KCNMA1: variants seen among roughly 807,000 people sequenced by gnomAD.
KCNMA1 encodes potassium calcium-activated channel subfamily M alpha 1, also known as Calcium-activated potassium channel subunit alpha-1.
KCNMA1 carries 29 observed loss-of-function variants against 140.0 expected under a neutral mutation model. The observed-to-expected ratio is 0.21, with a 90% CI of 0.15 to 0.28. KCNMA1 has a LOEUF of 0.28. Ranked by LOEUF, KCNMA1 falls within the 10% of genes least tolerant of loss-of-function variation. The probability of loss-of-function intolerance (pLI) is 1.00; values close to 1 mark genes in which losing one functional copy is unlikely to be tolerated. For synonymous variants in KCNMA1, 612 were observed against 611.9 expected (o/e 1.00, Z 0.00); for missense variants, 880 against 1,602.2 (o/e 0.55, Z 7.70).
At chr10:77,506,620 TTAGAGA>T (rs2046054229) in intron 1 of KCNMA1, among the ~76,000 whole-genome samples, 1 of 104,188 alleles carries the variant, frequency 9.6e-6, no homozygotes, top group Admixed American at 9.5e-5. Flanking sequence ...TGTGTGTGTG[TTAGAGA>T]GGGAGAGAGA....
At chr10:77,334,046 C>T (rs932567800) in intron 2 of KCNMA1, among the ~76,000 whole-genome samples, 2 of 152,166 alleles carry the variant, frequency 1.3e-5, no homozygotes, top group South Asian at 2.1e-4. Flanking sequence ...TCTTCACATG[C>T]CCCCTGCCTG....
chr10:76,916,046 A>G (rs1340718772), intron 23 of KCNMA1, among the ~76,000 whole-genome samples: 4 of 143,010 alleles, frequency 2.8e-5, no homozygotes, highest in Admixed American at 2.7e-4. Context: ...ACACACACAC[A>G]TACACAAATG....
Position 77,144,690 on chromosome 10 carries a change from A to G in KCNMA1, c.809-23642T>C, listed in dbSNP as rs556953064. Among the ~76,000 whole-genome samples, 3 of 152,350 alleles carry G rather than the reference A, an allele frequency of 2.0e-5. No homozygotes were observed. The South Asian group carries it at 6.2e-4, about 32-fold the overall frequency. On this transcript the variant is annotated intron_variant, in intron 5 of 27. Coordinates refer to ENST00000286628, the MANE Select transcript of KCNMA1 (RefSeq NM_001161352.2). The stretch of plus-strand genomic sequence containing the variant: ...TGCTTGTACCAATTTAGGGAACACT[A>G]AAGTTTCACCTGATGCCTAAACAGA...
chr10:77,337,371 G>A lies in KCNMA1; in HGVS notation c.540+66491C>T, dbSNP rs560559070. ...GCCTGTAATCCCAGCACTTTGAGAG[G>A]CCCAATGCCAAGGCTAAGGCAGGCG... On this transcript the variant is annotated intron_variant, in intron 2 of 27. Coordinates refer to ENST00000286628, the MANE Select transcript of KCNMA1 (RefSeq NM_001161352.2). 4.6e-5 allele frequency among the ~76,000 whole-genome samples: 7 copies of A among 152,332 alleles called. No individual in the cohort carries two copies. In the South Asian group the frequency reaches 1.2e-3, roughly 27 times the overall value.
chr10:77,235,947 G>GTTT (rs1310859006), intron 3 of KCNMA1, among the ~76,000 whole-genome samples: 2 of 152,138 alleles, frequency 1.3e-5, no homozygotes, highest in Non-Finnish European at 2.9e-5. Context: ...AGGGGTCTTG[G>GTTT]GCTGGCCAGA....
intron 23 of KCNMA1, among the ~76,000 whole-genome samples, chr10:76,944,217 C>T (rs894179470): frequency 4.6e-5 from 7 of 152,166 alleles, no homozygotes; most frequent in Admixed American, 6.5e-5. Flanking sequence ...GGAAGGCAGA[C>T]GTGTGTCACT....
At chr10:77,430,096 G>T (rs1437983360) in intron 1 of KCNMA1, among the ~76,000 whole-genome samples, 4 of 152,206 alleles carry the variant, frequency 2.6e-5, no homozygotes, top group African/African-American at 9.7e-5. Flanking sequence ...CCAAAAGAAA[G>T]AGTGAACTTT....
intron 5 of KCNMA1, among the ~76,000 whole-genome samples, chr10:77,167,431 A>C (rs1432068988): frequency 6.6e-6 from 1 of 152,112 alleles, no homozygotes. Flanking sequence ...TTGTGTTTGC[A>C]ATCTGGGGTT....
In KCNMA1 at chr10:77,344,030, C is replaced by T. The variant is rs186836170; in HGVS notation, c.540+59832G>A. Among the ~76,000 whole-genome samples, 179 of 152,314 alleles carry T rather than the reference C, an allele frequency of 1.2e-3. 1 individual carries two copies. Among genetic ancestry groups the T allele is most frequent in the African/African-American group, 4.2e-3 (173 of 41,572 alleles). On this transcript the variant is annotated intron_variant, in intron 2 of 27. Coordinates refer to ENST00000286628, the MANE Select transcript of KCNMA1 (RefSeq NM_001161352.2). ...CCTGGAAGCCACAGTCTCTTCAGTG[C>T]CATCAGGGAAGACAGCAACTGCACC...
At chr10:77,143,826 T>C (rs2098233306) in intron 5 of KCNMA1, among the ~76,000 whole-genome samples, 1 of 152,140 alleles carries the variant, frequency 6.6e-6, no homozygotes, top group South Asian at 2.1e-4. Flanking sequence ...TTGCAGTACA[T>C]TTATATGACA....
At chr10:77,144,283 C>G (rs77943091) in intron 5 of KCNMA1, among the ~76,000 whole-genome samples, 1 of 152,098 alleles carries the variant, frequency 6.6e-6, no homozygotes, top group Non-Finnish European at 1.5e-5. Context: ...ATACAAATAT[C>G]AAAAACCTTA....
At chr10:76,994,365 C>T (rs1442656963) in intron 19 of KCNMA1, among the ~76,000 whole-genome samples, 1 of 152,234 alleles carries the variant, frequency 6.6e-6, no homozygotes, top group Middle Eastern at 3.4e-3. Flanking sequence ...TTAACAACAG[C>T]AACAACACAT....
At chr10:76,873,943 G>C (rs918570153), downstream of KCNMA1, 1 of 152,118 alleles carries the variant, frequency 6.6e-6, no homozygotes, top group African/African-American at 2.4e-5. Flanking sequence ...GATTCACATG[G>C]GGAAACATAA....
At chr10:77,102,214 T>C (rs1035328743) in intron 9 of KCNMA1, among the ~76,000 whole-genome samples, 2 of 152,170 alleles carry the variant, frequency 1.3e-5, no homozygotes, top group Non-Finnish European at 2.9e-5. Flanking sequence ...ATAGATTAAA[T>C]GAGTCTTTGT....
At chr10:77,529,155 G>A (rs931410998) in intron 1 of KCNMA1, among the ~76,000 whole-genome samples, 1 of 152,138 alleles carries the variant, frequency 6.6e-6, no homozygotes, top group Non-Finnish European at 1.5e-5. Context: ...GTCCTCTCAC[G>A]TGGTGAAGAG....
intron 20 of KCNMA1, among the ~76,000 whole-genome samples, chr10:76,968,209 T>C (rs7915877): frequency 0.46 from 69,235 of 151,786 alleles, 16,073 homozygotes; most frequent in East Asian, 0.63. Context: ...TAGAAGTATG[T>C]TACCCTGGAT....
intron 1 of KCNMA1, among the ~76,000 whole-genome samples, chr10:77,576,026 T>G (rs752508001): frequency 6.6e-6 from 1 of 152,246 alleles, no homozygotes; most frequent in East Asian, 1.9e-4. Flanking sequence ...CAGCCATGGA[T>G]TGGGGAGAAT....
rs2085405620 is a variant in KCNMA1 at position 77,329,244 on chromosome 10, C to A, written c.540+74618G>T. Among the ~76,000 whole-genome samples the A allele has an allele frequency of 2.0e-5, 3 of 152,280 alleles. No individual in the cohort carries two copies. In the South Asian group the frequency reaches 6.2e-4, roughly 32 times the overall value. Reference sequence around the variant, plus strand: ...AATGCATACCAGAAATAACACAAATCACTTGTGTGGTCTTTGGCTACTGCT... The same window carrying A: ...AATGCATACCAGAAATAACACAAATAACTTGTGTGGTCTTTGGCTACTGCT... On this transcript the variant is annotated intron_variant, in intron 2 of 27. Transcript: ENST00000286628.
At chr10:77,626,023 ATT>A (rs5786299) in intron 1 of KCNMA1, among the ~76,000 whole-genome samples, 95 of 147,408 alleles carry the variant, frequency 6.4e-4, no homozygotes, top group African/African-American at 9.1e-4. Context: ...GTGATTTTCT[ATT>A]TTTTTTTTTT....
Sources: gnomAD v4.1 joint callset for allele counts (sites outside exome capture counted in the v4.1 genomes callset) on GRCh38, gnomAD v4.1.1 for gene constraint, MANE v1.5 for transcripts, NCBI Gene and HGNC (gene_info 2026-07-23, HGNC 2026-07-21) for gene names.